Variants in NCKAP5 observed in about 807,000 individuals in gnomAD.
The protein encoded by NCKAP5 is NCK associated protein 5.
A neutral mutation model predicts 167.0 loss-of-function variants in NCKAP5; 92 were observed. That is an observed-to-expected ratio of 0.55 (90% CI 0.47 to 0.66). The LOEUF (loss-of-function observed/expected upper bound fraction) is 0.66, where lower values mean the gene tolerates loss of function less well. NCKAP5 is among the 30% of genes least tolerant of loss of function. The pLI is 0.00. For missense variants in NCKAP5, 2,378 were observed against 2,315.0 expected (o/e 1.03, Z -0.56); for synonymous variants, 891 against 877.4 (o/e 1.02, Z -0.27).
rs545036312 is a variant in NCKAP5 at position 133,171,940 on chromosome 2, G to A, written c.207+41776C>T. ...CTACTGCTAACAGAATTCTTCTGGG[G>A]AACAAGTTAATAATGATAAAATGTC... On this transcript the variant is annotated intron_variant, in intron 5 of 19. Coordinates refer to ENST00000409261, the MANE Select transcript of NCKAP5 (RefSeq NM_207363.3). Among the ~76,000 whole-genome samples the A allele has an allele frequency of 2.6e-5, 4 of 152,294 alleles. No homozygotes were observed. The South Asian group carries it at 8.3e-4, about 32-fold the overall frequency.
Position 133,441,691 on chromosome 2 carries a change from T to G in NCKAP5, c.69+75767A>C, listed in dbSNP as rs548619006. On this transcript the variant is annotated intron_variant, in intron 3 of 19. Transcript: ENST00000409261. ...TGTGATCTACTCAGTATTTAAATTC[T>G]TTGAAATAGACCTCCTCTAGCAACC... Among the ~76,000 whole-genome samples, 19 of 152,354 alleles carry G rather than the reference T, an allele frequency of 1.2e-4. No homozygotes were observed. The South Asian group carries it at 3.9e-3, about 32-fold the overall frequency.
chr2:133,091,251 C>T (rs370586043), intron 6 of NCKAP5, among the ~76,000 whole-genome samples: 3 of 152,162 alleles, frequency 2.0e-5, no homozygotes, highest in East Asian at 1.9e-4. Context: ...CATGCAAGAA[C>T]GAACGAATAC....
intron 6 of NCKAP5, among the ~76,000 whole-genome samples, chr2:133,116,294 T>C (rs1442822126): frequency 7.5e-6 from 1 of 132,568 alleles, no homozygotes. Context: ...GAGACCATCC[T>C]GGCTAACACG....
Position 133,061,075 on chromosome 2 carries a change from AC to A in NCKAP5, c.342-66837del, listed in dbSNP as rs777892548. On this transcript the variant is annotated intron_variant, in intron 6 of 19. Transcript: ENST00000409261. ...TGAATCCCAAAATATTAAAAAAAAAACAAAACAACAACAACAAAAAAACCTA... is the reference window on the plus strand; with the variant it reads ...TGAATCCCAAAATATTAAAAAAAAAAAAAACAACAACAACAAAAAAACCTA... Among the ~76,000 whole-genome samples, 274 of 123,118 alleles carry A rather than the reference AC, an allele frequency of 2.2e-3. 5 individuals are homozygous for A. In the East Asian group the frequency reaches 0.023, roughly 10 times the overall value. 80.8% of individuals were successfully genotyped at this position (123,118 alleles called of 152,430 possible). A position where few individuals can be genotyped will look rare whatever the true frequency, so the allele number is the denominator to read the frequency against.
chr2:132,942,998 A>G (rs2149106307), intron 8 of NCKAP5, among the ~76,000 whole-genome samples: 1 of 152,356 alleles, frequency 6.6e-6, no homozygotes, highest in African/African-American at 2.4e-5. Context: ...GATGATCTCC[A>G]AGTACAATGC....
At chr2:132,890,361 G>C (rs185998312) in intron 8 of NCKAP5, among the ~76,000 whole-genome samples, 7 of 151,988 alleles carry the variant, frequency 4.6e-5, no homozygotes, top group Middle Eastern at 3.4e-3. Flanking sequence ...GCTATGCTAG[G>C]GGGTATACAA....
At position 132,707,092 on chromosome 2, in the gene NCKAP5, T is replaced by C. The variant is rs1688432250; in HGVS notation, c.5713+18535A>G. ...AGCAATCACAGTCCCTGGTTTCAAC[T>C]TCATGTAACTGAAAGAGGCACTGAA... On this transcript the variant is annotated intron_variant, in intron 19 of 19. Transcript: ENST00000409261. Among the ~76,000 whole-genome samples, 3 of 152,208 alleles carry C rather than the reference T, an allele frequency of 2.0e-5. 1 individual carries two copies. The South Asian group carries it at 6.2e-4, about 32-fold the overall frequency.
intron 4 of NCKAP5, among the ~76,000 whole-genome samples, chr2:133,248,421 T>C (rs965334324): frequency 7.2e-5 from 11 of 152,232 alleles, no homozygotes; most frequent in Admixed American, 6.5e-4. Flanking sequence ...ATCCTGGGCA[T>C]GTGCCCTGGG....
chr2:132,828,249 A>T (rs1401335993), intron 11 of NCKAP5, among the ~76,000 whole-genome samples: 1 of 152,164 alleles, frequency 6.6e-6, no homozygotes, highest in African/African-American at 2.4e-5. Context: ...ACAGGAACAG[A>T]CTAAGGCACT....
intron 5 of NCKAP5, among the ~76,000 whole-genome samples, chr2:133,197,029 T>C (rs751749285): frequency 4.6e-5 from 7 of 152,176 alleles, no homozygotes; most frequent in Non-Finnish European, 1.5e-5. Flanking sequence ...CTGACTGTTT[T>C]GTTCCAGACA....
At chr2:132,843,030 T>C (rs73956966) in intron 11 of NCKAP5, among the ~76,000 whole-genome samples, 6,234 of 152,286 alleles carry the variant, frequency 0.041, 286 homozygotes, top group East Asian at 0.12. Context: ...ATTTTTGTAT[T>C]TATAATTTTA....
At position 132,856,855 on chromosome 2, in the gene NCKAP5, G is replaced by A. The variant is rs959286593; in HGVS notation, c.807+3637C>T. Among the ~76,000 whole-genome samples, 6 of 152,140 alleles carry A rather than the reference G, an allele frequency of 3.9e-5. No individual in the cohort carries two copies. In the East Asian group the frequency reaches 5.8e-4, roughly 15 times the overall value. Reference sequence around the variant, plus strand: ...GTCCTCTTACTCATTTATGTTCCACGCAGAGGGAGCACCAATTGGAGGCGA... The same window carrying A: ...GTCCTCTTACTCATTTATGTTCCACACAGAGGGAGCACCAATTGGAGGCGA... On this transcript the variant is annotated intron_variant, in intron 11 of 19. Coordinates refer to ENST00000409261, the MANE Select transcript of NCKAP5 (RefSeq NM_207363.3).
intron 8 of NCKAP5, among the ~76,000 whole-genome samples, chr2:132,960,175 G>C (rs1208363477): frequency 3.9e-5 from 6 of 152,176 alleles, no homozygotes; most frequent in Non-Finnish European, 7.3e-5. Flanking sequence ...TTATAATTTT[G>C]ACTGTTGGCC....
At chr2:133,625,622 T>A in the NCKAP5 span, among the ~76,000 whole-genome samples, 1 of 151,922 alleles carries the variant, frequency 6.6e-6, no homozygotes, top group Admixed American at 6.6e-5. Context: ...GAATAATAAG[T>A]CACTTTGGGA....
intron 6 of NCKAP5, among the ~76,000 whole-genome samples, chr2:133,000,672 A>T (rs1034780995): frequency 6.6e-6 from 1 of 152,208 alleles, no homozygotes; most frequent in African/African-American, 2.4e-5. Flanking sequence ...CCTAGTTTAA[A>T]TCCTAACCCT....
Position 132,762,301 on chromosome 2 carries a change from A to G in NCKAP5, c.5128+11515T>C, listed in dbSNP as rs115460102. 5.8e-3 allele frequency among the ~76,000 whole-genome samples: 885 copies of G among 152,290 alleles called. 13 individuals are homozygous for G. Among genetic ancestry groups the G allele is most frequent in the African/African-American group, 0.021 (853 of 41,552 alleles). ...TACTTTATTCATAATTTTCTGTCAC[A>G]TTGGACAGCTTTCAGGTTTTTGCGC... On this transcript the variant is annotated intron_variant, in intron 16 of 19. Transcript: ENST00000409261.
intron 6 of NCKAP5, among the ~76,000 whole-genome samples, chr2:133,048,270 A>G (rs1479927722): frequency 1.3e-5 from 2 of 152,180 alleles, no homozygotes; most frequent in African/African-American, 4.8e-5. Flanking sequence ...TAGCCTCTCT[A>G]AATTGGTTTT....
At chr2:133,092,662 T>G (rs2081223688) in intron 6 of NCKAP5, among the ~76,000 whole-genome samples, 1 of 152,208 alleles carries the variant, frequency 6.6e-6, no homozygotes, top group African/African-American at 2.4e-5. Flanking sequence ...TCGTTTTGCC[T>G]AAAGTTGCAG....
intron 5 of NCKAP5, among the ~76,000 whole-genome samples, chr2:133,132,192 G>A (rs915550268): frequency 7.9e-5 from 12 of 151,602 alleles, no homozygotes; most frequent in African/African-American, 2.9e-4. Flanking sequence ...GGAGGCTGAG[G>A]CAGTGAATTG....
Sources: gnomAD v4.1 joint callset for allele counts (sites outside exome capture counted in the v4.1 genomes callset) on GRCh38, gnomAD v4.1.1 for gene constraint, MANE v1.5 for transcripts, NCBI Gene and HGNC (gene_info 2026-07-23, HGNC 2026-07-21) for gene names.